Variants in LIX1 observed in about 807,000 individuals in gnomAD.
LIX1 encodes the protein protein limb expression 1 homolog.
In LIX1, 24 loss-of-function variants were observed where a neutral mutation model predicts 33.4. That is an observed-to-expected ratio of 0.72 (90% confidence interval 0.52 to 1.01). LIX1 has a LOEUF of 1.01. Among genes scored for constraint, LIX1 ranks in the 50% least tolerant of loss-of-function variants. The pLI, the probability that LIX1 is intolerant of heterozygous loss-of-function variation, is 0.00. For synonymous variants in LIX1, 124 were observed against 124.0 expected, an observed-to-expected ratio of 1.00 and a Z score of 0.00; for missense variants, 311 against 339.2, an observed-to-expected ratio of 0.92 and a Z score of 0.65.
chr5:97,120,007 C>T (rs974491004), intron 2 of LIX1, among the ~76,000 whole-genome samples: 1 of 152,236 alleles, frequency 6.6e-6, no homozygotes, highest in Non-Finnish European at 1.5e-5. Context: ...ACTGCCAGAT[C>T]TTGGTTATTT....
intron 1 of LIX1, among the ~76,000 whole-genome samples, chr5:97,129,989 A>T (rs1049236530): frequency 1.3e-4 from 20 of 152,234 alleles, no homozygotes; most frequent in African/African-American, 4.6e-4. Context: ...AAGTCATATG[A>T]CATGTTTCCA....
At chr5:97,095,319 C>T (rs907844372) in intron 5 of LIX1, among the ~76,000 whole-genome samples, 4 of 152,206 alleles carry the variant, frequency 2.6e-5, no homozygotes, top group Admixed American at 2.0e-4. Context: ...GAAATACAAG[C>T]CGTTCACTGA....
At chr5:97,118,796 G>A (rs768880778) in intron 2 of LIX1, among the ~76,000 whole-genome samples, 50 of 152,006 alleles carry the variant, frequency 3.3e-4, no homozygotes, top group Non-Finnish European at 5.3e-4. Context: ...AACTTATGAA[G>A]GCCTGGTCTA....
chr5:97,117,955 C>T (rs1359482532), intron 2 of LIX1, among the ~76,000 whole-genome samples: 1 of 151,786 alleles, frequency 6.6e-6, no homozygotes, highest in Admixed American at 6.6e-5. Flanking sequence ...AACAGTTTGC[C>T]TATGGAAGAA....
chr5:97,129,771 T>C (rs1313643908), intron 1 of LIX1, among the ~76,000 whole-genome samples: 2 of 152,150 alleles, frequency 1.3e-5, no homozygotes, highest in African/African-American at 4.8e-5. Context: ...CCCTGGAACA[T>C]AGTAGAAACA....
intron 2 of LIX1, among the ~76,000 whole-genome samples, chr5:97,108,922 G>A (rs1747215905): frequency 6.6e-6 from 1 of 152,134 alleles, no homozygotes; most frequent in African/African-American, 2.4e-5. Context: ...GTTTCACAGA[G>A]CAAGGGTTCT....
At chr5:97,104,159 T>G (rs1215005606) in intron 4 of LIX1, among the ~76,000 whole-genome samples, 1 of 152,084 alleles carries the variant, frequency 6.6e-6, no homozygotes, top group East Asian at 1.9e-4. Flanking sequence ...AAAGAAGGTA[T>G]TTGAAAGTTG....
intron 1 of LIX1, chr5:97,137,340 T>C (rs1748193535): frequency 5.0e-6 from 1 of 198,838 alleles, no homozygotes. Context: ...GAGAAATAAA[T>C]GTACTAGGAC....
chr5:97,104,010 G>C (rs1002401092), intron 4 of LIX1, among the ~76,000 whole-genome samples: 1 of 151,690 alleles, frequency 6.6e-6, no homozygotes, highest in African/African-American at 2.4e-5. Context: ...ATTTAGGATG[G>C]GTGAAGAAAG....
At chr5:97,103,445 G>C (rs947497401) in intron 4 of LIX1, among the ~76,000 whole-genome samples, 4 of 152,178 alleles carry the variant, frequency 2.6e-5, no homozygotes, top group Non-Finnish European at 4.4e-5. Flanking sequence ...CAATAGCACT[G>C]TGAGGAAGGT....
At chr5:97,109,976 CT>C (rs1319633897) in intron 2 of LIX1, among the ~76,000 whole-genome samples, 5 of 152,172 alleles carry the variant, frequency 3.3e-5, no homozygotes, top group Admixed American at 3.3e-4. Flanking sequence ...TCCTTATTCG[CT>C]CATTGGTTGA....
At chr5:97,101,791 TAAG>T (rs1435245886) in intron 4 of LIX1, 1 of 152,008 alleles carries the variant, frequency 6.6e-6, no homozygotes, top group Non-Finnish European at 1.5e-5. Flanking sequence ...TCATCAGAAA[TAAG>T]AAAAACAAAC....
At chr5:97,116,686 TTTCTTTTA>T (rs1344809275) in intron 2 of LIX1, among the ~76,000 whole-genome samples, 41 of 152,290 alleles carry the variant, frequency 2.7e-4, no homozygotes, top group African/African-American at 9.4e-4. Context: ...TCTTTTCTTT[TTTCTTTTA>T]TTCTTTTTCT....
At chr5:97,116,170 A>T (rs1028653525) in intron 2 of LIX1, among the ~76,000 whole-genome samples, 1 of 152,170 alleles carries the variant, frequency 6.6e-6, no homozygotes, top group African/African-American at 2.4e-5. Flanking sequence ...CACAAACCAG[A>T]CCCTGTTGCT....
intron 2 of LIX1, among the ~76,000 whole-genome samples, chr5:97,117,614 C>T (rs1021546575): frequency 5.9e-5 from 9 of 152,160 alleles, no homozygotes; most frequent in African/African-American, 1.4e-4. Context: ...GTATAAAACG[C>T]GTTTTTATGT....
At chr5:97,101,389 C>T (rs957742707) in intron 4 of LIX1, among the ~76,000 whole-genome samples, 3 of 152,190 alleles carry the variant, frequency 2.0e-5, no homozygotes, top group Non-Finnish European at 4.4e-5. Flanking sequence ...TGCAGCTGTA[C>T]AGGGCCCCTG....
intron 1 of LIX1, among the ~76,000 whole-genome samples, chr5:97,137,945 A>G (rs1748206077): frequency 6.6e-6 from 1 of 152,224 alleles, no homozygotes; most frequent in African/African-American, 2.4e-5. Flanking sequence ...CATGCTGCAT[A>G]TAGCTAGATT....
At chr5:97,132,524 T>C (rs1748078636) in intron 1 of LIX1, among the ~76,000 whole-genome samples, 1 of 152,086 alleles carries the variant, frequency 6.6e-6, no homozygotes, top group Admixed American at 6.6e-5. Context: ...AGGAACTGTG[T>C]AGGGAGCAAT....
chr5:97,107,603 G>C, intron 2 of LIX1, 103 bp from the exon 3 acceptor site: 4 of 1,258,604 alleles, frequency 3.2e-6, no homozygotes, highest in South Asian at 1.4e-5. Flanking sequence ...TACATTTACT[G>C]TCCGCATCTA....
Sources: allele counts gnomAD v4.1 joint callset (sites outside exome capture counted in the v4.1 genomes callset), GRCh38; gene constraint gnomAD v4.1.1; transcripts MANE v1.5; gene names NCBI Gene and HGNC (gene_info 2026-07-23, HGNC 2026-07-21).